Variants in DLC1 observed in about 807,000 individuals in gnomAD.
DLC1 encodes the protein rho GTPase-activating protein 7.
A neutral mutation model predicts 140.3 loss-of-function variants in DLC1; 54 were observed. The observed-to-expected ratio is 0.38, with a 90% confidence interval of 0.31 to 0.48. DLC1 has a LOEUF of 0.48. Ranked by LOEUF, DLC1 falls within the 20% of genes least tolerant of loss-of-function variation. The pLI, the probability that DLC1 is intolerant of heterozygous loss-of-function variation, is 0.96. For synonymous variants in DLC1, 986 were observed against 728.1 expected (o/e 1.35, Z -5.70); for missense variants, 2,536 against 1,907.0 (o/e 1.33, Z -6.14).
chr8:13,388,163 C>T (rs143174583), intron 4 of DLC1, among the ~76,000 whole-genome samples: 7 of 152,034 alleles, frequency 4.6e-5, no homozygotes, highest in East Asian at 1.9e-4. Flanking sequence ...GGATTAATGT[C>T]GTACTCCCAA....
chr8:13,436,847 C>T lies in DLC1; in HGVS notation c.1024-35228G>A, dbSNP rs967998876. On this transcript the variant is annotated intron_variant, in intron 2 of 17. Coordinates refer to ENST00000276297, the MANE Select transcript of DLC1 (RefSeq NM_182643.3). The stretch of plus-strand genomic sequence containing the variant: ...AATATTTGACTACTGGGTGCTCACA[C>T]ATTTCAGGTCTTAAATATGATGCCC... Among the ~76,000 whole-genome samples the T allele has an allele frequency of 3.3e-5, 5 of 152,252 alleles. No homozygotes were observed. The South Asian group carries it at 6.2e-4, about 19-fold the overall frequency.
chr8:13,088,960 C>G (rs995755166), intron 15 of DLC1, among the ~76,000 whole-genome samples: 1 of 152,066 alleles, frequency 6.6e-6, no homozygotes, highest in South Asian at 2.1e-4. Flanking sequence ...CAACTCGAGT[C>G]AAAATGATGA....
chr8:13,418,965 T>G (rs1290113427), intron 2 of DLC1, among the ~76,000 whole-genome samples: 1 of 151,726 alleles, frequency 6.6e-6, no homozygotes, highest in South Asian at 2.1e-4. Flanking sequence ...TATTTTATTC[T>G]CTTTGAAGCA....
intron 5 of DLC1, among the ~76,000 whole-genome samples, chr8:13,200,675 A>T (rs1287946863): frequency 6.6e-6 from 1 of 151,900 alleles, no homozygotes; most frequent in Non-Finnish European, 1.5e-5. Context: ...TACAGTCATA[A>T]GTCGCTGCAG....
At chr8:13,483,379 C>T (rs1800827854) in intron 2 of DLC1, among the ~76,000 whole-genome samples, 1 of 152,150 alleles carries the variant, frequency 6.6e-6, no homozygotes, top group Non-Finnish European at 1.5e-5. Context: ...TCAATCACTA[C>T]AGTATGGATA....
chr8:13,462,550 T>C (rs10098316), intron 2 of DLC1, among the ~76,000 whole-genome samples: 70,839 of 151,400 alleles, frequency 0.47, 16,741 homozygotes, highest in African/African-American at 0.51. Context: ...ACTACAGGTG[T>C]CCGCCACCAC....
At chr8:13,393,715 G>A in intron 3 of DLC1, 22 bp from the exon 4 acceptor site, 5 of 1,601,984 alleles carry the variant, frequency 3.1e-6, no homozygotes, top group Non-Finnish European at 4.3e-6. Flanking sequence ...CAAATGCACT[G>A]GTATGAAGGA....
intron 5 of DLC1, among the ~76,000 whole-genome samples, chr8:13,143,247 A>G (rs1823148288): frequency 6.6e-6 from 1 of 152,010 alleles, no homozygotes; most frequent in South Asian, 2.1e-4. Context: ...ATTAAATCTC[A>G]GCAAATTTCA....
At chr8:13,589,199 C>A (rs1318011920) in intron 1 of DLC1, among the ~76,000 whole-genome samples, 1 of 152,052 alleles carries the variant, frequency 6.6e-6, no homozygotes, top group Non-Finnish European at 1.5e-5. Flanking sequence ...TACAACTTAA[C>A]CATTCTTAGC....
At chr8:13,342,344 A>G (rs190291234) in intron 4 of DLC1, 2 of 152,360 alleles carry the variant, frequency 1.3e-5, no homozygotes, top group Non-Finnish European at 2.9e-5. Context: ...AAGAAAAGCA[A>G]ACCATTTGGA....
chr8:13,093,160 T>C (rs1818226593), intron 12 of DLC1, among the ~76,000 whole-genome samples: 2 of 149,740 alleles, frequency 1.3e-5, no homozygotes, highest in African/African-American at 4.9e-5. Flanking sequence ...AAAAAAAAAA[T>C]CCCTAATTTA....
chr8:13,415,501 G>A (rs1432898164), intron 2 of DLC1, among the ~76,000 whole-genome samples: 2 of 151,224 alleles, frequency 1.3e-5, no homozygotes, highest in Non-Finnish European at 2.9e-5. Context: ...CTGGGTTCAT[G>A]CCATTCTCCT....
At chr8:13,302,767 T>G (rs1832252691) in intron 5 of DLC1, among the ~76,000 whole-genome samples, 1 of 151,526 alleles carries the variant, frequency 6.6e-6, no homozygotes, top group Non-Finnish European at 1.5e-5. Context: ...TAATCCTATT[T>G]AAGAGCTCAA....
At chr8:13,276,585 G>A (rs1017666821) in intron 5 of DLC1, 192 of 1,264,660 alleles carry the variant, frequency 1.5e-4, no homozygotes, top group Non-Finnish European at 1.9e-4. Context: ...CGCGCGCGGC[G>A]GCCACATCTG....
intron 4 of DLC1, among the ~76,000 whole-genome samples, chr8:13,344,497 A>T (rs1293692238): frequency 1.3e-5 from 2 of 152,210 alleles, no homozygotes; most frequent in Admixed American, 6.5e-5. Flanking sequence ...CCATCTCAAA[A>T]AAACAAAACA....
chr8:13,560,265 A>C (rs1008573426), intron 1 of DLC1, among the ~76,000 whole-genome samples: 7 of 152,144 alleles, frequency 4.6e-5, no homozygotes, highest in South Asian at 2.1e-4. Flanking sequence ...GAAATATACC[A>C]ATCTGAAAAG....
In DLC1 at chr8:13,423,736, G is replaced by T. The variant is rs76335655; in HGVS notation, c.1024-22117C>A. Among the ~76,000 whole-genome samples, 3 of 151,960 alleles carry T rather than the reference G, an allele frequency of 2.0e-5. No homozygotes were observed. In the South Asian group the frequency reaches 6.2e-4, roughly 32 times the overall value. On this transcript the variant is annotated intron_variant, in intron 2 of 17. Coordinates refer to ENST00000276297, the MANE Select transcript of DLC1 (RefSeq NM_182643.3). Reference sequence around the variant, plus strand: ...CAGATGTTTACTGATGACTAAAAGGGCAAATACATGAGAAAGTATAGATCT... The same window carrying T: ...CAGATGTTTACTGATGACTAAAAGGTCAAATACATGAGAAAGTATAGATCT...
At chr8:13,278,921 G>C (rs1323401703) in intron 5 of DLC1, among the ~76,000 whole-genome samples, 1 of 152,116 alleles carries the variant, frequency 6.6e-6, no homozygotes, top group Non-Finnish European at 1.5e-5. Flanking sequence ...AGCTTAGAAA[G>C]AAAAAATTCG....
chr8:13,494,883 G>A (rs147747296), intron 2 of DLC1, among the ~76,000 whole-genome samples: 4 of 152,064 alleles, frequency 2.6e-5, no homozygotes, highest in Admixed American at 2.0e-4. Context: ...CCCAGGAGGC[G>A]GAAGTTGCAA....
Sources: allele counts gnomAD v4.1 joint callset (sites outside exome capture counted in the v4.1 genomes callset), GRCh38; gene constraint gnomAD v4.1.1; transcripts MANE v1.5; gene names NCBI Gene and HGNC (gene_info 2026-07-23, HGNC 2026-07-21).